The following POLD4 variants were observed in gnomAD, a reference collection of about 807,000 sequenced individuals.
The protein encoded by POLD4 is DNA polymerase delta subunit 4.
A neutral mutation model predicts 16.5 loss-of-function variants in POLD4; 9 were observed. The observed-to-expected ratio is 0.55, with a 90% CI of 0.33 to 0.95. The LOEUF (loss-of-function observed/expected upper bound fraction) is 0.95. Ranked by LOEUF, POLD4 falls within the 40% of genes least tolerant of loss-of-function variation. The pLI is 0.03. For synonymous variants in POLD4, 62 were observed against 57.6 expected (o/e 1.08, Z -0.35); for missense variants, 129 against 139.7 (o/e 0.92, Z 0.39).
intron 3 of POLD4, 34 bp from the exon 4 acceptor site, chr11:67,352,053 CAGAGAG>C (rs747485648): frequency 7.9e-7 from 1 of 1,265,662 alleles, no homozygotes; most frequent in Non-Finnish European, 1.1e-6. Flanking sequence ...AGGGATACCC[CAGAGAG>C]AGAGAGAGAG....
rs947986227 is a variant in POLD4, at chr11:67,352,373, G to T, written c.299+318C>A. On this transcript the variant is annotated intron_variant, in intron 3 of 3. Transcript: ENST00000312419. ...AAAATAGAAAAAATTAGCCGGGCGT[G>T]TTGGCGGGCGCCTGTAGTCCCAGCT... The T allele has an allele frequency of 1.2e-5, 4 of 346,972 alleles. No homozygotes were observed. In the East Asian group the frequency reaches 2.3e-4, roughly 20 times the overall value. The allele number at this position is 346,972 out of a possible 1,614,324, so 21.5% of individuals were successfully genotyped here.
chr11:67,351,863 T>A lies in POLD4; in HGVS notation c.*132A>T. The A allele has an allele frequency of 2.1e-6, 2 of 966,874 alleles. No homozygotes were observed. Among genetic ancestry groups the A allele is most frequent in the Admixed American group, 4.3e-5 (2 of 45,984 alleles). 59.9% of individuals were successfully genotyped at this position (966,874 alleles called of 1,614,324 possible). ...ATGGAGGAGTTGAGCCTCTGACACCTCCAGGTTCTGCCTGCCAAGGGTTCC... is the reference window on the plus strand; with the variant it reads ...ATGGAGGAGTTGAGCCTCTGACACCACCAGGTTCTGCCTGCCAAGGGTTCC... On this transcript the variant is annotated 3_prime_UTR_variant, in exon 4 of 4. Coordinates refer to ENST00000312419, the MANE Select transcript of POLD4 (RefSeq NM_021173.5). This position sits in a 1 kb window ranked among gnomAD's most constrained non-coding sequence, Gnocchi z 4.8.
intron 3 of POLD4, 178 bp from the exon 4 acceptor site, chr11:67,352,197 C>A: frequency 5.1e-6 from 3 of 585,082 alleles, no homozygotes; most frequent in Non-Finnish European, 9.2e-6. Flanking sequence ...GTACCTTTGC[C>A]CCCCACTAGC....
chr11:67,352,941 G>A (rs556384907), intron 2 of POLD4, 47 bp downstream of exon 2: 7 of 1,489,812 alleles, frequency 4.7e-6, no homozygotes, highest in African/African-American at 1.4e-5. Context: ...AGACGTGTGG[G>A]TGACTGGCTG....
At position 67,353,351 on chromosome 11, in the gene POLD4, TC is replaced by T; in HGVS notation, c.48del (p.Arg17GlyfsTer16). 1 of 1,612,290 alleles carries T rather than the reference TC, an allele frequency of 6.2e-7. No homozygotes were observed. Among genetic ancestry groups the T allele is most frequent in the Non-Finnish European group, 8.5e-7 (1 of 1,179,958 alleles). On this transcript the variant is annotated frameshift_variant, in exon 1 of 4. Coordinates refer to ENST00000312419, the MANE Select transcript of POLD4 (RefSeq NM_021173.5). LOFTEE classifies it high-confidence loss of function. ...TTGCTGTGCCCAGCGGGCCCCTCCC[TC>T]CTCTTCACAACCGGGTAGGAATCAG... Reference protein sequence around the residue: ...LITDSYPVVKRREGPAGHSKG... With the variant: ...LITDSYPVVKXREGPAGHSKG...
At chr11:67,352,837 G>C (rs770074383) in intron 2 of POLD4, 35 bp from the exon 3 acceptor site, 14 of 1,538,634 alleles carry the variant, frequency 9.1e-6, no homozygotes, top group Middle Eastern at 1.7e-4. Context: ...GGAGACTTGT[G>C]GGGGGTGGGG....
At position 67,351,980 on chromosome 11, in the gene POLD4, G is replaced by A. The variant is rs1317268457; in HGVS notation, c.*15C>T. ...TGAGCAAGAGAGCTAAGGGCAGGAG[G>A]TCTTACGTGGTGCCTCATAGGGGAT... On this transcript the variant is annotated 3_prime_UTR_variant, in exon 4 of 4. Coordinates refer to ENST00000312419, the MANE Select transcript of POLD4 (RefSeq NM_021173.5). The surrounding 1 kb of genome is among the most constrained non-coding windows in gnomAD (Gnocchi z 4.8). The A allele has an allele frequency of 7.5e-7, 1 of 1,339,408 alleles. No individual in the cohort carries two copies. Among genetic ancestry groups the A allele is most frequent in the South Asian group, 1.2e-5 (1 of 83,448 alleles). The allele number at this position is 1,339,408 out of a possible 1,614,324, so 83.0% of individuals were successfully genotyped here. A position where few individuals can be genotyped will look rare whatever the true frequency, so the allele number is the denominator to read the frequency against.
intron 3 of POLD4, 97 bp downstream of exon 3, chr11:67,352,594 A>T: frequency 1.1e-6 from 1 of 890,580 alleles, no homozygotes; most frequent in South Asian, 1.6e-5. Context: ...AGGCCTTCCA[A>T]CCCTCCATCC....
Position 67,351,935 on chromosome 11 carries a change from G to T in POLD4, c.*60C>A. ...GCAGGAGCAATGGGCTCTCGCTTCT[G>T]TCCTGAGGTTCTTGGGTGGTGAGCA... On this transcript the variant is annotated 3_prime_UTR_variant, in exon 4 of 4. Coordinates refer to ENST00000312419, the MANE Select transcript of POLD4 (RefSeq NM_021173.5). This position sits in a 1 kb window ranked among gnomAD's most constrained non-coding sequence, Gnocchi z 4.8. 1 of 1,526,706 alleles carries T rather than the reference G, an allele frequency of 6.6e-7. No individual in the cohort carries two copies. The highest frequency in any genetic ancestry group is 1.2e-5 in the South Asian group (1 of 84,770). The allele number at this position is 1,526,706 out of a possible 1,614,324, so 94.6% of individuals were successfully genotyped here. A position where few individuals can be genotyped will look rare whatever the true frequency, so the allele number is the denominator to read the frequency against.
rs370751897 is a variant in POLD4, at chr11:67,351,829, G to A, written c.*166C>T. On this transcript the variant is annotated 3_prime_UTR_variant, in exon 4 of 4. Coordinates refer to ENST00000312419, the MANE Select transcript of POLD4 (RefSeq NM_021173.5). This position sits in a 1 kb window ranked among gnomAD's most constrained non-coding sequence, Gnocchi z 4.8. The stretch of plus-strand genomic sequence containing the variant: ...GCTCTTCCGGGGACTCTGGGAGCCT[G>A]CTGGTTAGATGGAGGAGTTGAGCCT... 132 of 666,138 alleles carry A rather than the reference G, an allele frequency of 2.0e-4. No individual in the cohort carries two copies. In the African/African-American group the frequency reaches 2.1e-3, roughly 11 times the overall value. 41.3% of individuals were successfully genotyped at this position (666,138 alleles called of 1,614,324 possible).
At position 67,351,697 on chromosome 11, in the gene POLD4, C is replaced by T; in HGVS notation, c.*298G>A. The T allele has an allele frequency of 2.5e-6, 1 of 397,982 alleles. No homozygotes were observed. The highest frequency in any genetic ancestry group is 4.6e-6 in the Non-Finnish European group (1 of 216,100). 24.7% of individuals were successfully genotyped at this position (397,982 alleles called of 1,614,324 possible). A position where few individuals can be genotyped will look rare whatever the true frequency, so the allele number is the denominator to read the frequency against. ...CCATGTCTGACTGTGCCTAACTTGC[C>T]AGATCATGGGTCAGGGAGACAGGCA... On this transcript the variant is annotated 3_prime_UTR_variant, in exon 4 of 4. Transcript: ENST00000312419. The surrounding 1 kb of genome is among the most constrained non-coding windows in gnomAD (Gnocchi z 4.8).
In POLD4 at chr11:67,351,965, A is replaced by G. The variant is rs1861876167; in HGVS notation, c.*30T>C. Reference sequence around the variant, plus strand: ...GAGGTTCTTGGGTGGTGAGCAAGAGAGCTAAGGGCAGGAGGTCTTACGTGG... The same window carrying G: ...GAGGTTCTTGGGTGGTGAGCAAGAGGGCTAAGGGCAGGAGGTCTTACGTGG... On this transcript the variant is annotated 3_prime_UTR_variant, in exon 4 of 4. Transcript: ENST00000312419. This position sits in a 1 kb window ranked among gnomAD's most constrained non-coding sequence, Gnocchi z 4.8. The G allele has an allele frequency of 2.9e-6, 4 of 1,376,258 alleles. No individual in the cohort carries two copies. The East Asian group carries it at 1.6e-4, about 54-fold the overall frequency. 85.3% of individuals were successfully genotyped at this position (1,376,258 alleles called of 1,614,324 possible).
chr11:67,352,448 T>C, intron 3 of POLD4: 1 of 440,164 alleles, frequency 2.3e-6, no homozygotes, highest in African/African-American at 2.0e-5. Flanking sequence ...AGGCGGAGTT[T>C]GCAGTGAGCC....
Position 67,352,792 on chromosome 11 carries a change from C to T in POLD4, c.198G>A (p.Arg66=), listed in dbSNP as rs527654656. The change falls in exon 3 of 4, where the codon CGG becomes CGA. Residue 66 remains arginine, a synonymous_variant. Coordinates refer to ENST00000312419, the MANE Select transcript of POLD4 (RefSeq NM_021173.5). The part of the protein sequence containing the change: ...WQYGPCTGIT[R]LQRWCRAKQM... ...GCTTGGCCCGACACCAGCGCTGCAG[C>T]CGTGTGATCCCTGCCAGGGTGGGAA... 1.9e-5 allele frequency: 30 copies of T among 1,606,500 alleles called. No homozygotes were observed. The African/African-American group carries it at 3.7e-4, about 20-fold the overall frequency.
At chr11:67,352,850 G>A (rs1007903574) in intron 2 of POLD4, 48 bp from the exon 3 acceptor site, 2 of 1,494,534 alleles carry the variant, frequency 1.3e-6, no homozygotes, top group African/African-American at 1.4e-5. Context: ...GGGTGGGGTA[G>A]AGTCTGAGCT....
chr11:67,351,998 T>G lies in POLD4; in HGVS notation c.321A>C (p.Leu107=), dbSNP rs759175252. The G allele has an allele frequency of 6.9e-7, 1 of 1,442,422 alleles. No homozygotes were observed. The highest frequency in any genetic ancestry group is 3.1e-5 in the East Asian group (1 of 32,312). The allele number at this position is 1,442,422 out of a possible 1,614,324, so 89.4% of individuals were successfully genotyped here. ...FQCSLWHLYP[L] is the part of the protein sequence containing the mutation. ...GCAGGAGGTCTTACGTGGTGCCTCATAGGGGATAGAGATGCCAGAGACTGT... is the reference window on the plus strand; with the variant it reads ...GCAGGAGGTCTTACGTGGTGCCTCAGAGGGGATAGAGATGCCAGAGACTGT... Residue 107 remains leucine, a synonymous_variant, in exon 4 of 4, where the codon CTA becomes CTC. Coordinates refer to ENST00000312419, the MANE Select transcript of POLD4 (RefSeq NM_021173.5). This position sits in a 1 kb window ranked among gnomAD's most constrained non-coding sequence, Gnocchi z 4.8.
chr11:67,352,774 CCG>C lies in POLD4; in HGVS notation c.214_215del (p.Arg72GlyfsTer90). 1 of 1,611,456 alleles carries C rather than the reference CCG, an allele frequency of 6.2e-7. No individual in the cohort carries two copies. Among genetic ancestry groups the C allele is most frequent in the East Asian group, 2.2e-5 (1 of 44,794 alleles). ...GAGGCTCCAAGCCCATCTGCTTGGC[CCG>C]ACACCAGCGCTGCAGCCGTGTGATC... ...TGITRLQRWC[R>X]AKQMGLEPPP... On this transcript the variant is annotated frameshift_variant, in exon 3 of 4. Coordinates refer to ENST00000312419, the MANE Select transcript of POLD4 (RefSeq NM_021173.5). LOFTEE classifies it high-confidence loss of function.
In POLD4 at chr11:67,352,035, T is replaced by TGGGAGGGA; in HGVS notation, c.300-24_300-17dup. The TGGGAGGGA allele has an allele frequency of 5.2e-6, 1 of 192,328 alleles. No individual in the cohort carries two copies. Among genetic ancestry groups the TGGGAGGGA allele is most frequent in the South Asian group, 3.3e-5 (1 of 30,766 alleles). The allele number at this position is 192,328 out of a possible 1,614,324, so 11.9% of individuals were successfully genotyped here. ...ATGCCAGAGACTGTGGAAGATGGGG[T>TGGGAGGGA]GGGAGGGAGGGATACCCCAGAGAGA... On this transcript the variant is annotated splice_polypyrimidine_tract_variant and intron_variant, in intron 3 of 3. Transcript: ENST00000312419.
intron 1 of POLD4, 84 bp from the exon 2 acceptor site, chr11:67,353,161 C>T: frequency 6.7e-7 from 1 of 1,498,084 alleles, no homozygotes. Context: ...ACCGCTTTGC[C>T]TCTGCCACCC....
Sources: gnomAD v4.1 joint callset for allele counts on GRCh38, gnomAD v4.1.1 for gene constraint, Gnocchi (gnomAD v3.1) non-coding constraint, MANE v1.5 for transcripts, NCBI Gene and HGNC (gene_info 2026-07-23, HGNC 2026-07-21) for gene names.